PHF21A: variants seen among roughly 807,000 people sequenced by gnomAD.
PHF21A encodes BHC80a.
Under a neutral mutation model 82.5 loss-of-function variants are expected in PHF21A, and 11 were observed. That is an observed-to-expected ratio of 0.13 (90% CI 0.08 to 0.22). PHF21A has a LOEUF of 0.22. PHF21A is among the 10% of genes least tolerant of loss of function. The pLI is 1.00. For missense variants in PHF21A, 579 were observed against 837.8 expected, an observed-to-expected ratio of 0.69 and a Z score of 3.81; for synonymous variants, 297 against 302.8, an observed-to-expected ratio of 0.98 and a Z score of 0.20.
chr11:45,958,417 A>AAAAAAAAAT (rs2092827892), intron 10 of PHF21A, among the ~76,000 whole-genome samples: 2 of 20,810 alleles, frequency 9.6e-5, no homozygotes, highest in African/African-American at 1.3e-4. Flanking sequence ...AAAAAAAAAA[A>AAAAAAAAAT]AAATATATAT....
chr11:46,062,192 A>C (rs7934407), intron 6 of PHF21A, among the ~76,000 whole-genome samples: 137,052 of 151,910 alleles, frequency 0.9, 61,976 homozygotes, highest in East Asian at 1. Context: ...GGGTTTTTTT[A>C]ATTCACAGTT....
chr11:45,957,643 A>C (rs2092735194), intron 10 of PHF21A, among the ~76,000 whole-genome samples: 1 of 151,760 alleles, frequency 6.6e-6, no homozygotes, highest in Non-Finnish European at 1.5e-5. Flanking sequence ...AGCAGTACTC[A>C]GAGGGAAACT....
At chr11:46,039,338 T>G (rs2096076894) in intron 6 of PHF21A, among the ~76,000 whole-genome samples, 1 of 152,168 alleles carries the variant, frequency 6.6e-6, no homozygotes, top group Admixed American at 6.5e-5. Context: ...AACTGGTAAT[T>G]TTTTCTTGTC....
chr11:46,016,114 C>T (rs1029490316), intron 6 of PHF21A, among the ~76,000 whole-genome samples: 8 of 152,084 alleles, frequency 5.3e-5, no homozygotes, highest in Non-Finnish European at 1.0e-4. Context: ...TAATGTATTA[C>T]GCTACCAAGT....
chr11:45,936,692 G>C, intron 16 of PHF21A, 123 bp from the exon 17 acceptor site: 1 of 705,138 alleles, frequency 1.4e-6, no homozygotes, highest in African/African-American at 1.8e-5. Context: ...TATGGTAGCA[G>C]TGTTGCAAAA....
chr11:46,010,956 T>C (rs1324075564), intron 6 of PHF21A, among the ~76,000 whole-genome samples: 2 of 152,096 alleles, frequency 1.3e-5, no homozygotes, highest in South Asian at 2.1e-4. Context: ...CTCCTCTGTA[T>C]AAAAAACTTT....
chr11:45,932,657 CTTAAT>C lies in PHF21A; in HGVS notation c.*1306_*1310del, dbSNP rs2087772312. ...TTTTTACAATGTTTCTTACCTTGAT[CTTAAT>C]TTAAGTAACACTAGGAAGACCTCAA... On this transcript the variant is annotated 3_prime_UTR_variant, in exon 19 of 19. Coordinates refer to ENST00000676320, the MANE Select transcript of PHF21A (RefSeq NM_001352027.3). The surrounding 1 kb of genome is among the most constrained non-coding windows in gnomAD (Gnocchi z 4.3). 6.6e-6 allele frequency: 1 copy of C among 152,542 alleles called. No homozygotes were observed. Among genetic ancestry groups the C allele is most frequent in the African/African-American group, 2.4e-5 (1 of 41,400 alleles). 9.4% of individuals were successfully genotyped at this position (152,542 alleles called of 1,614,324 possible). A position where few individuals can be genotyped will look rare whatever the true frequency, so the allele number is the denominator to read the frequency against.
In PHF21A at chr11:46,018,326, T is replaced by C. The variant is rs901351176; in HGVS notation, c.154-38360A>G. 4.9e-4 allele frequency among the ~76,000 whole-genome samples: 74 copies of C among 151,998 alleles called. No individual in the cohort carries two copies. The Middle Eastern group carries it at 0.01, about 21-fold the overall frequency. ...AGCATCAAAATGTACCTCCCCAGAA[T>C]GCCCAATGATCTGTTAGCTGCGCAT... On this transcript the variant is annotated intron_variant, in intron 6 of 18. Coordinates refer to ENST00000676320, the MANE Select transcript of PHF21A (RefSeq NM_001352027.3).
At chr11:46,029,586 G>A (rs2095823473) in intron 6 of PHF21A, among the ~76,000 whole-genome samples, 1 of 151,776 alleles carries the variant, frequency 6.6e-6, no homozygotes, top group Admixed American at 6.6e-5. Flanking sequence ...TACTTGGGAA[G>A]CTGAGGCAGG....
intron 16 of PHF21A, among the ~76,000 whole-genome samples, chr11:45,937,434 C>T (rs1213699615): frequency 2.6e-5 from 4 of 152,098 alleles, no homozygotes; most frequent in Non-Finnish European, 5.9e-5. Context: ...GTTCTCTGAG[C>T]CTGATATAAC....
In PHF21A at chr11:45,932,236, G is replaced by A. The variant is rs1403851642; in HGVS notation, c.*1732C>T. ...CCAGTTCCCTCGGAGGTGTCCCCCA[G>A]GCACTCATAATGCTGGTGGCTGAAA... On this transcript the variant is annotated 3_prime_UTR_variant, in exon 19 of 19. Transcript: ENST00000676320. The surrounding 1 kb of genome is among the most constrained non-coding windows in gnomAD (Gnocchi z 4.3). The A allele has an allele frequency of 6.6e-6, 1 of 152,266 alleles. No individual in the cohort carries two copies. Among genetic ancestry groups the A allele is most frequent in the African/African-American group, 2.4e-5 (1 of 41,466 alleles). The allele number at this position is 152,266 out of a possible 1,614,324, so 9.4% of individuals were successfully genotyped here.
chr11:46,096,955 C>A (rs1463620207), intron 1 of PHF21A, among the ~76,000 whole-genome samples: 2 of 152,166 alleles, frequency 1.3e-5, no homozygotes, highest in Non-Finnish European at 2.9e-5. Flanking sequence ...ACTCCACCCC[C>A]TCAGAAGAAA....
intron 11 of PHF21A, among the ~76,000 whole-genome samples, chr11:45,952,543 T>C (rs888305610): frequency 6.6e-6 from 1 of 152,264 alleles, no homozygotes; most frequent in Admixed American, 6.5e-5. Flanking sequence ...CTGTGGATGA[T>C]TTCACAAGTT....
chr11:45,939,669 G>C (rs576567075), intron 15 of PHF21A, among the ~76,000 whole-genome samples: 1 of 148,654 alleles, frequency 6.7e-6, no homozygotes, highest in African/African-American at 2.5e-5. Flanking sequence ...CCCCATCACA[G>C]TGATAGTGTT....
Position 45,988,440 on chromosome 11 carries a change from A to G in PHF21A, c.154-8474T>C, listed in dbSNP as rs145749596. Among the ~76,000 whole-genome samples, 5 of 152,368 alleles carry G rather than the reference A, an allele frequency of 3.3e-5. No homozygotes were observed. The East Asian group carries it at 9.6e-4, about 29-fold the overall frequency. Reference sequence around the variant, plus strand: ...TGTAATATTTGCCTTACATTTAAACAAAAGTAACACTTGTATATAACTAAA... The same window carrying G: ...TGTAATATTTGCCTTACATTTAAACGAAAGTAACACTTGTATATAACTAAA... On this transcript the variant is annotated intron_variant, in intron 6 of 18. Coordinates refer to ENST00000676320, the MANE Select transcript of PHF21A (RefSeq NM_001352027.3).
At chr11:45,972,752 A>G (rs1386189579) in intron 7 of PHF21A, among the ~76,000 whole-genome samples, 1 of 152,184 alleles carries the variant, frequency 6.6e-6, no homozygotes, top group East Asian at 1.9e-4. Context: ...CATCTCTACT[A>G]AAAATACAAA....
At chr11:46,106,897 A>G (rs2097158335) in intron 1 of PHF21A, among the ~76,000 whole-genome samples, 2 of 152,318 alleles carry the variant, frequency 1.3e-5, no homozygotes, top group East Asian at 1.9e-4. Context: ...CCAGGCCTAT[A>G]CTTTGAATCC....
chr11:46,079,188 G>C (rs368593404), intron 4 of PHF21A, 22 bp from the exon 5 acceptor site: 1 of 1,590,306 alleles, frequency 6.3e-7, no homozygotes, highest in African/African-American at 1.3e-5. Flanking sequence ...GAGAGAAAAA[G>C]AGCCATCAGT....
At position 45,969,882 on chromosome 11, in the gene PHF21A, TGAG is replaced by T; in HGVS notation, c.632_634del (p.Pro211del). 2 of 1,613,630 alleles carry T rather than the reference TGAG, an allele frequency of 1.2e-6. No individual in the cohort carries two copies. Among genetic ancestry groups the T allele is most frequent in the Middle Eastern group, 1.7e-4 (1 of 6,060 alleles). On this transcript the variant is annotated inframe_deletion, in exon 9 of 19. Coordinates refer to ENST00000676320, the MANE Select transcript of PHF21A (RefSeq NM_001352027.3). ...GATAAACTGTGGTACTTTGATGGGC[TGAG>T]GAGGTGTTGCCTGAACCTGCTAAAA...
Sources: gnomAD v4.1 joint callset for allele counts (sites outside exome capture counted in the v4.1 genomes callset) on GRCh38, gnomAD v4.1.1 for gene constraint, Gnocchi (gnomAD v3.1) non-coding constraint, MANE v1.5 for transcripts, NCBI Gene and HGNC (gene_info 2026-07-23, HGNC 2026-07-21) for gene names.